Variants in UBA5 observed in about 807,000 individuals in gnomAD.
The protein encoded by UBA5 is ubiquitin like modifier activating enzyme 5, also known as ubiquitin-like modifier-activating enzyme 5.
A neutral mutation model predicts 52.9 loss-of-function variants in UBA5; 28 were observed. The ratio of observed to expected loss-of-function variants is 0.53; its 90% confidence interval spans 0.39 to 0.73. UBA5 has a LOEUF of 0.73. UBA5 is among the 30% of genes least tolerant of loss of function. The pLI is 0.00. For synonymous variants in UBA5, 135 were observed against 162.1 expected, an observed-to-expected ratio of 0.83 and a Z score of 1.27; for missense variants, 388 against 492.7, an observed-to-expected ratio of 0.79 and a Z score of 2.01.
chr3:132,669,667 TG>T (rs1347934679), intron 4 of UBA5, among the ~76,000 whole-genome samples: 2 of 152,132 alleles, frequency 1.3e-5, no homozygotes, highest in Non-Finnish European at 2.9e-5. Context: ...CAAAAACAGG[TG>T]GTGGGCCAGA....
chr3:132,673,796 C>G (rs1015089302), intron 8 of UBA5, among the ~76,000 whole-genome samples: 1 of 151,970 alleles, frequency 6.6e-6, no homozygotes, highest in Non-Finnish European at 1.5e-5. Flanking sequence ...TCCCAGGTAG[C>G]TGTGACTACA....
At chr3:132,659,698 G>A (rs1938026028), upstream of UBA5, 1 of 1,611,468 alleles carries the variant, frequency 6.2e-7, no homozygotes. Flanking sequence ...TGTCGAACTT[G>A]TGCTGGGGCA....
chr3:132,662,871 T>G (rs748971283), intron 1 of UBA5, among the ~76,000 whole-genome samples: 2 of 152,152 alleles, frequency 1.3e-5, no homozygotes, highest in South Asian at 4.1e-4. Context: ...AAAAGGGGGT[T>G]GCCATCCATG....
Position 132,660,965 on chromosome 3 carries a change from G to A in UBA5, c.161+267G>A. On this transcript the variant is annotated intron_variant, in intron 1 of 11. Transcript: ENST00000356232. The surrounding 1 kb of genome is among the most constrained non-coding windows in gnomAD (Gnocchi z 4.1). ...GTGTGTCCAGTTTCCTATCACCCTT[G>A]CCTCTTAATTAGTCCGCCTCGCTGT... 6.7e-7 allele frequency: 1 copy of A among 1,489,064 alleles called. No homozygotes were observed. The highest frequency in any genetic ancestry group is 2.7e-5 in the East Asian group (1 of 36,986). The allele number at this position is 1,489,064 out of a possible 1,614,324, so 92.2% of individuals were successfully genotyped here.
In UBA5 at chr3:132,661,369, A is replaced by G. The variant is rs534668961; in HGVS notation, c.161+671A>G. On this transcript the variant is annotated intron_variant, in intron 1 of 11. Transcript: ENST00000356232. The stretch of plus-strand genomic sequence containing the variant: ...TCCGCTTCAGCTTCTCACCTGTACA[A>G]TGAAGATAATAGTAATATCTATCTC... Among the ~76,000 whole-genome samples, 220 of 152,304 alleles carry G rather than the reference A, an allele frequency of 1.4e-3. 2 individuals carry two copies. Among genetic ancestry groups the G allele is most frequent in the African/African-American group, 4.6e-3 (193 of 41,556 alleles).
chr3:132,677,488 CT>C lies in UBA5; in HGVS notation c.*963del, dbSNP rs1279096069. ...GTCAGTGGAAGAGTATCACTTTCCC[CT>C]GATCATGACCACTAAACTGTAAATT... On this transcript the variant is annotated 3_prime_UTR_variant, in exon 12 of 12. Transcript: ENST00000356232. The C allele has an allele frequency of 6.6e-6, 1 of 152,166 alleles. No individual in the cohort carries two copies. The highest frequency in any genetic ancestry group is 2.4e-5 in the African/African-American group (1 of 41,448). The allele number at this position is 152,166 out of a possible 1,614,324, so 9.4% of individuals were successfully genotyped here.
At position 132,676,676 on chromosome 3, in the gene UBA5, C is replaced by T. The variant is rs539425081; in HGVS notation, c.*150C>T. The T allele has an allele frequency of 3.2e-5, 20 of 623,630 alleles. No individual in the cohort carries two copies. Among genetic ancestry groups the T allele is most frequent in the Non-Finnish European group, 5.1e-5 (18 of 351,050 alleles). 38.6% of individuals were successfully genotyped at this position (623,630 alleles called of 1,614,324 possible). A position where few individuals can be genotyped will look rare whatever the true frequency, so the allele number is the denominator to read the frequency against. ...ACTTTTTGAAAATCCTGTGACTTGCCTGTTTCTCCCCGCTCCAACGAAATC... is the reference window on the plus strand; with the variant it reads ...ACTTTTTGAAAATCCTGTGACTTGCTTGTTTCTCCCCGCTCCAACGAAATC... On this transcript the variant is annotated 3_prime_UTR_variant, in exon 12 of 12. Coordinates refer to ENST00000356232, the MANE Select transcript of UBA5 (RefSeq NM_024818.6). This position sits in a 1 kb window ranked among gnomAD's most constrained non-coding sequence, Gnocchi z 4.1.
At chr3:132,672,614 A>C (rs2107944574) in intron 8 of UBA5, among the ~76,000 whole-genome samples, 1 of 152,314 alleles carries the variant, frequency 6.6e-6, no homozygotes, top group East Asian at 1.9e-4. Flanking sequence ...AAATAAACCA[A>C]TGTGACTAAA....
At chr3:132,668,952 C>G (rs1197963827) in intron 4 of UBA5, 25 bp downstream of exon 4, 5 of 1,397,514 alleles carry the variant, frequency 3.6e-6, no homozygotes, top group Non-Finnish European at 4.0e-6. Flanking sequence ...AATCAAGTAC[C>G]ATATTCAGTG....
upstream of UBA5, among the ~76,000 whole-genome samples, chr3:132,658,569 T>C (rs967783766): frequency 2.0e-5 from 3 of 152,242 alleles, no homozygotes; most frequent in African/African-American, 7.2e-5. Context: ...ATTTGAACTT[T>C]GATCTGTTTC....
At chr3:132,675,206 T>C in intron 8 of UBA5, 42 bp from the exon 9 acceptor site, 4 of 1,428,162 alleles carry the variant, frequency 2.8e-6, no homozygotes, top group Non-Finnish European at 3.9e-6. Flanking sequence ...GTATTTTTCA[T>C]GTTTTAAATT....
At chr3:132,658,464 T>C (rs1019147228), upstream of UBA5, among the ~76,000 whole-genome samples, 1 of 152,238 alleles carries the variant, frequency 6.6e-6, no homozygotes, top group African/African-American at 2.4e-5. Flanking sequence ...TCAACACTCC[T>C]ACAATATGAA....
In UBA5 at chr3:132,660,646, C is replaced by A; in HGVS notation, c.109C>A (p.Arg37=). Residue 37 remains arginine (R), a synonymous_variant, in exon 1 of 12, where the codon CGG becomes AGG. Coordinates refer to ENST00000356232, the MANE Select transcript of UBA5 (RefSeq NM_024818.6). This position sits in a 1 kb window ranked among gnomAD's most constrained non-coding sequence, Gnocchi z 4.1. ...GAGGAGCGGCGACGGAGGGGGCGGCCGGGTCCGCATCGAGAAGATGAGCTC... is the reference window on the plus strand; with the variant it reads ...GAGGAGCGGCGACGGAGGGGGCGGCAGGGTCCGCATCGAGAAGATGAGCTC... ...VPRSGDGGGG[R]VRIEKMSSEV... is the part of the protein sequence containing the mutation. The A allele has an allele frequency of 6.4e-7, 1 of 1,572,142 alleles. No homozygotes were observed. Among genetic ancestry groups the A allele is most frequent in the East Asian group, 2.4e-5 (1 of 42,398 alleles).
chr3:132,671,625 C>T (rs1938610326), intron 6 of UBA5, 152 bp from the exon 7 acceptor site: 7 of 586,064 alleles, frequency 1.2e-5, no homozygotes, highest in Admixed American at 3.5e-5. Flanking sequence ...ATGGTAATTA[C>T]CAAGGAATTC....
upstream of UBA5, among the ~76,000 whole-genome samples, chr3:132,656,788 A>T (rs1239630423): frequency 1.3e-5 from 2 of 151,722 alleles, no homozygotes; most frequent in Middle Eastern, 3.2e-3. Context: ...CACTGCACCC[A>T]GTCTATTGTC....
rs550411050 is a variant in UBA5, at chr3:132,666,793, C to A, written c.297+720C>A. On this transcript the variant is annotated intron_variant, in intron 3 of 11. Coordinates refer to ENST00000356232, the MANE Select transcript of UBA5 (RefSeq NM_024818.6). ...ACTTATCAATATAGAAATAACACCA[C>A]CAAAATACTAAAAATATTTATTGAA... is the stretch of plus-strand genomic sequence containing the variant. Among the ~76,000 whole-genome samples the A allele has an allele frequency of 2.2e-4, 33 of 152,112 alleles. No homozygotes were observed. The South Asian group carries it at 6.8e-3, about 32-fold the overall frequency.
At position 132,661,501 on chromosome 3, in the gene UBA5, G is replaced by A. The variant is rs141373506; in HGVS notation, c.161+803G>A. Among the ~76,000 whole-genome samples the A allele has an allele frequency of 1.2e-3, 182 of 152,272 alleles. 1 individual carries two copies. Among genetic ancestry groups the A allele is most frequent in the African/African-American group, 3.8e-3 (156 of 41,536 alleles). ...ATTTTATTGCTAGGTGCATTTAGTA[G>A]CAAGCAGTTATTGAGCTTTCACTGT... On this transcript the variant is annotated intron_variant, in intron 1 of 11. Transcript: ENST00000356232.
At chr3:132,666,996 A>G (rs937895246) in intron 3 of UBA5, among the ~76,000 whole-genome samples, 2 of 151,990 alleles carry the variant, frequency 1.3e-5, no homozygotes, top group African/African-American at 2.4e-5. Flanking sequence ...AACAGATCCT[A>G]CTCTGGTGGT....
chr3:132,659,877 C>A, upstream of UBA5: 1 of 1,165,528 alleles, frequency 8.6e-7, no homozygotes, highest in Non-Finnish European at 1.2e-6. Context: ...CTCCAGCCAA[C>A]CGCACACAGC....
Sources: gnomAD v4.1 joint callset for allele counts (sites outside exome capture counted in the v4.1 genomes callset) on GRCh38, gnomAD v4.1.1 for gene constraint, Gnocchi (gnomAD v3.1) non-coding constraint, MANE v1.5 for transcripts, NCBI Gene and HGNC (gene_info 2026-07-23, HGNC 2026-07-21) for gene names.